Variants in PCLO observed in about 807,000 individuals in gnomAD.
PCLO encodes the protein piccolo presynaptic cytomatrix protein.
Under a neutral mutation model 427.5 loss-of-function variants are expected in PCLO, and 82 were observed. That is an observed-to-expected ratio of 0.19 (90% CI 0.16 to 0.23). The LOEUF is 0.23. Among genes scored for constraint, PCLO ranks in the 10% least tolerant of loss-of-function variants. The pLI is 1.00. For synonymous variants in PCLO, 2,357 were observed against 2,155.4 expected, an observed-to-expected ratio of 1.09 and a Z score of -2.59; for missense variants, 6,239 against 6,115.9, an observed-to-expected ratio of 1.02 and a Z score of -0.67.
At chr7:83,003,926 TA>T (rs548822286) in intron 3 of PCLO, among the ~76,000 whole-genome samples, 155 of 143,392 alleles carry the variant, frequency 1.1e-3, no homozygotes, top group Admixed American at 9.8e-4. Context: ...TTGTATTAAC[TA>T]AAAAAAAAAA....
intron 3 of PCLO, among the ~76,000 whole-genome samples, chr7:83,008,629 G>C (rs1788005435): frequency 6.6e-6 from 1 of 151,592 alleles, no homozygotes; most frequent in Admixed American, 6.6e-5. Flanking sequence ...TCCTGAAAAG[G>C]CTAAGAATAC....
At chr7:82,810,130 G>A (rs576793068) in intron 20 of PCLO, among the ~76,000 whole-genome samples, 1 of 141,060 alleles carries the variant, frequency 7.1e-6, no homozygotes, top group Non-Finnish European at 1.6e-5. Flanking sequence ...TTATATTTAA[G>A]TGTAATATAT....
intron 9 of PCLO, among the ~76,000 whole-genome samples, chr7:82,884,012 G>GC (rs1793572108): frequency 6.6e-6 from 1 of 152,100 alleles, no homozygotes. Context: ...CTCAGATGAT[G>GC]CCTGCCTTGG....
intron 6 of PCLO, among the ~76,000 whole-genome samples, chr7:82,945,841 A>C (rs1037759660): frequency 4.6e-5 from 7 of 152,230 alleles, no homozygotes; most frequent in Admixed American, 4.6e-4. Context: ...TTTAAACTGG[A>C]ATTTTAAGGA....
intron 3 of PCLO, among the ~76,000 whole-genome samples, chr7:83,087,187 G>A (rs1050867880): frequency 1.3e-5 from 2 of 150,302 alleles, no homozygotes; most frequent in East Asian, 2.0e-4. Context: ...AAATTTGCAC[G>A]TTGTGCACAT....
intron 3 of PCLO, among the ~76,000 whole-genome samples, chr7:83,037,989 T>TTATATATA (rs1161030427): frequency 0.048 from 642 of 13,464 alleles, 34 homozygotes; most frequent in Middle Eastern, 0.071. Flanking sequence ...AAGGAGGAGC[T>TTATATATA]TATATATATA....
At chr7:83,101,327 A>C (rs1228939245) in intron 3 of PCLO, among the ~76,000 whole-genome samples, 1 of 151,962 alleles carries the variant, frequency 6.6e-6, no homozygotes, top group South Asian at 2.1e-4. Flanking sequence ...TCAACGTTCT[A>C]TTATATATTT....
chr7:83,130,120 CCATT>C (rs1791532931), intron 3 of PCLO, among the ~76,000 whole-genome samples: 1 of 146,462 alleles, frequency 6.8e-6, no homozygotes, highest in African/African-American at 2.5e-5. Context: ...ATGTAGATGT[CCATT>C]ATGTTTTTGT....
chr7:83,078,163 T>G lies in PCLO; in HGVS notation c.3300+56087A>C, dbSNP rs956013464. ...TCAAATATAAACAGATAAATGGAAA[T>G]TGTACCTATCACTGTCATCCTATAA... On this transcript the variant is annotated intron_variant, in intron 3 of 24. Coordinates refer to ENST00000333891, the MANE Select transcript of PCLO (RefSeq NM_033026.6). 2.0e-5 allele frequency among the ~76,000 whole-genome samples: 3 copies of G among 152,054 alleles called. No homozygotes were observed. The East Asian group carries it at 5.8e-4, about 29-fold the overall frequency.
intron 2 of PCLO, among the ~76,000 whole-genome samples, chr7:83,152,299 T>C (rs1792159094): frequency 1.3e-5 from 2 of 152,188 alleles, no homozygotes; most frequent in African/African-American, 2.4e-5. Flanking sequence ...TATATAGATG[T>C]TCTTTTTATG....
intron 2 of PCLO, among the ~76,000 whole-genome samples, chr7:83,140,035 T>C (rs946300313): frequency 5.9e-5 from 9 of 152,148 alleles, no homozygotes; most frequent in Admixed American, 2.0e-4. Context: ...AATGAAAAAG[T>C]CCATAACCAG....
At chr7:83,101,353 AT>A (rs1203979883) in intron 3 of PCLO, among the ~76,000 whole-genome samples, 4 of 152,110 alleles carry the variant, frequency 2.6e-5, no homozygotes, top group African/African-American at 9.6e-5. Context: ...AGAAATGGAT[AT>A]AAGTCCATTT....
intron 6 of PCLO, among the ~76,000 whole-genome samples, chr7:82,930,546 TA>T (rs889093795): frequency 5.3e-5 from 8 of 152,268 alleles, no homozygotes; most frequent in African/African-American, 1.9e-4. Flanking sequence ...AATGTTAGCA[TA>T]ACACAAAAAT....
intron 10 of PCLO, among the ~76,000 whole-genome samples, chr7:82,859,600 T>G (rs978399004): frequency 6.6e-6 from 1 of 152,088 alleles, no homozygotes; most frequent in South Asian, 2.1e-4. Context: ...ACCAAGTCAT[T>G]TGAAATATCT....
At chr7:83,121,810 A>C (rs764659933) in intron 3 of PCLO, among the ~76,000 whole-genome samples, 1 of 152,012 alleles carries the variant, frequency 6.6e-6, no homozygotes, top group African/African-American at 2.4e-5. Context: ...GATTCAATTA[A>C]GTGAGAGGCT....
chr7:83,004,896 C>T (rs1787910560), intron 3 of PCLO, among the ~76,000 whole-genome samples: 1 of 151,310 alleles, frequency 6.6e-6, no homozygotes, highest in Non-Finnish European at 1.5e-5. Flanking sequence ...ATAAGTCATA[C>T]AAGTAAATAT....
intron 22 of PCLO, among the ~76,000 whole-genome samples, chr7:82,788,518 TC>T (rs966884423): frequency 9.9e-5 from 15 of 152,142 alleles, no homozygotes; most frequent in Admixed American, 9.2e-4. Context: ...AATTGTAATT[TC>T]TTTTGATTAA....
At position 82,846,583 on chromosome 7, in the gene PCLO, A is replaced by C. The variant is rs775595413; in HGVS notation, c.13815T>G (p.His4605Gln). ...TTTACCTACCAGCTTTTGGTGGCTC[A>C]TGAAGTTCCAGATGCTGGGAATTTT... The part of the protein sequence containing the change: ...DSENSQHLEL[H>Q]EPPKAVDKAK... Residue 4605 changes from histidine to glutamine, a missense_variant, in exon 12 of 25, where the codon CAT becomes CAG. By Grantham distance (24) the His-to-Gln change is conservative (BLOSUM62 0). Transcript: ENST00000333891. 2 of 1,607,974 alleles carry C rather than the reference A, an allele frequency of 1.2e-6. No homozygotes were observed. Among genetic ancestry groups the C allele is most frequent in the Non-Finnish European group, 1.7e-6 (2 of 1,176,478 alleles).
chr7:82,947,821 T>A (rs1362443877), intron 6 of PCLO, among the ~76,000 whole-genome samples: 4 of 152,174 alleles, frequency 2.6e-5, no homozygotes, highest in Admixed American at 2.0e-4. Flanking sequence ...ACCCATTGTA[T>A]CAATTTCCAA....
Sources: allele counts gnomAD v4.1 joint callset (sites outside exome capture counted in the v4.1 genomes callset), GRCh38; gene constraint gnomAD v4.1.1; transcripts MANE v1.5; gene names NCBI Gene and HGNC (gene_info 2026-07-23, HGNC 2026-07-21).